The following SAMD5 variants were observed in gnomAD, a reference collection of about 807,000 sequenced individuals.
SAMD5 encodes sterile alpha motif domain-containing protein 5.
Under a neutral mutation model 11.3 loss-of-function variants are expected in SAMD5, and 13 were observed. That is an observed-to-expected ratio of 1.15 (90% CI 0.75 to 1.83). The LOEUF is 1.83. Among genes scored for constraint, SAMD5 ranks in the 40% most tolerant of loss-of-function variants. The pLI, the probability that SAMD5 is intolerant of heterozygous loss-of-function variation, is 0.00. For missense variants in SAMD5, 255 were observed against 239.1 expected (o/e 1.07, Z -0.44); for synonymous variants, 129 against 111.3 (o/e 1.16, Z -1.00).
chr6:147,551,308 C>G (rs1788768567), intron 1 of SAMD5, among the ~76,000 whole-genome samples: 1 of 152,118 alleles, frequency 6.6e-6, no homozygotes, highest in Non-Finnish European at 1.5e-5. Context: ...CTAGCTAACT[C>G]CCTTATTTCA....
At position 147,643,973 on chromosome 6, in the gene SAMD5, C is replaced by A. The variant is rs1301382440; in HGVS notation, c.163-93344C>A. 2.1e-5 allele frequency among the ~76,000 whole-genome samples: 3 copies of A among 145,904 alleles called. No homozygotes were observed. The East Asian group carries it at 5.8e-4, about 28-fold the overall frequency. ...AACTAGTGTTGTAGGTCCAAAGTAA[C>A]TGGATTTAAATGTCATACATAATGA... On this transcript the variant is annotated intron_variant, in intron 1 of 1. Coordinates refer to the SAMD5 transcript ENST00000566741.
At chr6:147,514,184 G>A (rs978494630) in intron 1 of SAMD5, among the ~76,000 whole-genome samples, 6 of 152,018 alleles carry the variant, frequency 3.9e-5, no homozygotes, top group East Asian at 1.9e-4. Context: ...TGCCCAGAGC[G>A]CATAAGTGAA....
intron 1 of SAMD5, among the ~76,000 whole-genome samples, chr6:147,673,154 G>A (rs979878838): frequency 6.6e-6 from 1 of 151,762 alleles, no homozygotes; most frequent in African/African-American, 2.4e-5. Flanking sequence ...CTGATTAATT[G>A]TTTAGAAATA....
the SAMD5 span, among the ~76,000 whole-genome samples, chr6:147,909,614 T>TTCTCTCTCTCTCTCTCTCTCTCTC: frequency 2.6e-5 from 2 of 77,272 alleles, no homozygotes; most frequent in African/African-American, 1.6e-4. Flanking sequence ...CTTTCTTTCT[T>TTCTCTCTCTCTCTCTCTCTCTCTC]TCTTTCTTTC....
chr6:147,829,852 G>A, the SAMD5 span, among the ~76,000 whole-genome samples: 1 of 152,152 alleles, frequency 6.6e-6, no homozygotes, highest in African/African-American at 2.4e-5. Context: ...GGATGAAGAT[G>A]GGCTGTGTCA....
Position 147,508,958 on chromosome 6 carries a change from C to G in SAMD5, c.30C>G (p.Leu10=). Residue 10 remains leucine, a synonymous_variant, in exon 1 of 2, where the codon CTC becomes CTG. Coordinates refer to ENST00000367474, the MANE Select transcript of SAMD5 (RefSeq NM_001030060.3). MCTNIVYEW[L]KALQLPQYAE... is the part of the protein sequence containing the mutation. Reference sequence around the variant, plus strand: ...GCACCAACATAGTTTACGAGTGGCTCAAAGCGCTGCAGCTTCCGCAGTACG... The same window carrying G: ...GCACCAACATAGTTTACGAGTGGCTGAAAGCGCTGCAGCTTCCGCAGTACG... 2 of 1,601,528 alleles carry G rather than the reference C, an allele frequency of 1.2e-6. No homozygotes were observed. The highest frequency in any genetic ancestry group is 1.7e-6 in the Non-Finnish European group (2 of 1,174,492).
intron 1 of SAMD5, among the ~76,000 whole-genome samples, chr6:147,696,911 T>C (rs1235892048): frequency 6.6e-6 from 1 of 152,204 alleles, no homozygotes; most frequent in Non-Finnish European, 1.5e-5. Flanking sequence ...AAAAAATATT[T>C]AGCATAAGTC....
At chr6:147,539,354 A>C (rs1258595474) in intron 1 of SAMD5, among the ~76,000 whole-genome samples, 1 of 152,196 alleles carries the variant, frequency 6.6e-6, no homozygotes, top group African/African-American at 2.4e-5. Context: ...TGCTTCTCCG[A>C]TCCAGGTGTG....
the SAMD5 span, among the ~76,000 whole-genome samples, chr6:147,949,379 A>G: frequency 6.6e-6 from 1 of 152,174 alleles, no homozygotes; most frequent in East Asian, 1.9e-4. Context: ...TTGGTAAGAA[A>G]TCTTTTGTTA....
intron 1 of SAMD5, among the ~76,000 whole-genome samples, chr6:147,627,339 C>G (rs1367282328): frequency 6.6e-6 from 1 of 152,138 alleles, no homozygotes; most frequent in Non-Finnish European, 1.5e-5. Flanking sequence ...GGTGTGGCAC[C>G]TGAGAGATAA....
the SAMD5 span, among the ~76,000 whole-genome samples, chr6:147,822,763 G>A: frequency 1.3e-5 from 2 of 152,144 alleles, no homozygotes; most frequent in Admixed American, 1.3e-4. Context: ...TACTCCAAGT[G>A]AGTGACTGAA....
At chr6:147,607,601 A>G (rs1483955343) in intron 1 of SAMD5, among the ~76,000 whole-genome samples, 1 of 152,174 alleles carries the variant, frequency 6.6e-6, no homozygotes, top group Non-Finnish European at 1.5e-5. Context: ...CAGAAGAATG[A>G]AACTAGACCC....
chr6:147,838,469 G>GT, the SAMD5 span, among the ~76,000 whole-genome samples: 1 of 150,724 alleles, frequency 6.6e-6, no homozygotes, highest in Non-Finnish European at 1.5e-5. Context: ...CAAGTGAAAC[G>GT]TATCTATATA....
chr6:147,891,536 C>T, the SAMD5 span, among the ~76,000 whole-genome samples: 2 of 151,612 alleles, frequency 1.3e-5, no homozygotes, highest in Admixed American at 1.3e-4. Flanking sequence ...GGATTTGGGG[C>T]CCTATGATGA....
the SAMD5 span, among the ~76,000 whole-genome samples, chr6:147,840,280 A>G: frequency 0.43 from 64,826 of 152,160 alleles, 15,873 homozygotes; most frequent in African/African-American, 0.68. Context: ...TTCTACAAAC[A>G]CTTATCAAAT....
At chr6:147,562,738 C>G (rs1788971802) in intron 1 of SAMD5, among the ~76,000 whole-genome samples, 2 of 152,018 alleles carry the variant, frequency 1.3e-5, no homozygotes, top group African/African-American at 4.8e-5. Flanking sequence ...AGGAGAATGG[C>G]GTGAACCCGG....
intron 1 of SAMD5, among the ~76,000 whole-genome samples, chr6:147,551,012 G>A (rs702326): frequency 0.59 from 89,498 of 152,058 alleles, 27,779 homozygotes; most frequent in East Asian, 0.92. Flanking sequence ...TGATTGAATA[G>A]CATGTTGTTA....
chr6:147,657,695 G>C (rs1790591239), intron 1 of SAMD5, among the ~76,000 whole-genome samples: 1 of 152,188 alleles, frequency 6.6e-6, no homozygotes, highest in South Asian at 2.1e-4. Context: ...GTGAGGGCCT[G>C]CTTGCTGGTT....
intron 1 of SAMD5, among the ~76,000 whole-genome samples, chr6:147,656,868 T>C (rs1413554403): frequency 6.6e-6 from 1 of 151,098 alleles, no homozygotes; most frequent in East Asian, 2.0e-4. Context: ...AAGAATTTAC[T>C]CTAAAGATAA....
Sources: allele counts gnomAD v4.1 joint callset (sites outside exome capture counted in the v4.1 genomes callset), GRCh38; gene constraint gnomAD v4.1.1; transcripts MANE v1.5; gene names NCBI Gene and HGNC (gene_info 2026-07-23, HGNC 2026-07-21).